Variants in PPP2R2C observed in about 807,000 individuals in gnomAD.
The protein encoded by PPP2R2C is protein phosphatase 2, regulatory subunit B, gamma.
A neutral mutation model predicts 45.3 loss-of-function variants in PPP2R2C; 10 were observed. The ratio of observed to expected loss-of-function variants is 0.22; its 90% CI spans 0.14 to 0.37. The LOEUF (loss-of-function observed/expected upper bound fraction) is 0.37. Ranked by LOEUF, PPP2R2C falls within the 10% of genes least tolerant of loss-of-function variation. The pLI is 1.00. For missense variants in PPP2R2C, 308 were observed against 619.7 expected (o/e 0.50, Z 5.34); for synonymous variants, 257 against 245.4 (o/e 1.05, Z -0.44).
intron 6 of PPP2R2C, among the ~76,000 whole-genome samples, chr4:6,342,722 C>T (rs532345615): frequency 7.0e-4 from 106 of 152,312 alleles, no homozygotes; most frequent in African/African-American, 2.3e-3. Context: ...GTTGTTTCCA[C>T]GGTTACCCTG....
chr4:6,324,654 C>G lies in PPP2R2C; in HGVS notation c.1053-1061G>C, dbSNP rs1246042004. 1.3e-5 allele frequency among the ~76,000 whole-genome samples: 2 copies of G among 152,224 alleles called. No individual in the cohort carries two copies. The highest frequency in any genetic ancestry group is 1.5e-5 in the Non-Finnish European group (1 of 68,044). ...GCATCGCCATGAGGGTCGGGGCGAG[C>G]AGTGCTGACGTGCAGGGGCTCGCTG... On this transcript the variant is annotated intron_variant, in intron 8 of 8. Coordinates refer to ENST00000382599, the MANE Select transcript of PPP2R2C (RefSeq NM_020416.4). This position sits in a 1 kb window ranked among gnomAD's most constrained non-coding sequence, Gnocchi z 4.1.
intron 1 of PPP2R2C, among the ~76,000 whole-genome samples, chr4:6,410,120 C>T (rs1238651516): frequency 1.3e-5 from 2 of 152,216 alleles, no homozygotes; most frequent in African/African-American, 4.8e-5. Flanking sequence ...GGATCCCACA[C>T]CTCAGGCCCA....
intron 1 of PPP2R2C, among the ~76,000 whole-genome samples, chr4:6,387,077 A>T (rs1024292515): frequency 6.6e-5 from 10 of 152,252 alleles, no homozygotes; most frequent in African/African-American, 1.4e-4. Context: ...AAATTTTTTT[A>T]AAAAGAAAAA....
Position 6,390,235 on chromosome 4 carries a change from G to GA in PPP2R2C, c.71-9142_71-9141insT, listed in dbSNP as rs1489764899. ...AACACAGCAGAGGGAGGCTGGGGGT[G>GA]CACACACTGTGCCTGGGGGATTGAG... On this transcript the variant is annotated intron_variant, in intron 1 of 8. Coordinates refer to ENST00000382599, the MANE Select transcript of PPP2R2C (RefSeq NM_020416.4). 2.0e-3 allele frequency among the ~76,000 whole-genome samples: 299 copies of GA among 152,102 alleles called. 3 individuals are homozygous for GA. The highest frequency in any genetic ancestry group is 6.8e-3 in the African/African-American group (281 of 41,464).
At chr4:6,521,985 G>A (rs771421695) in intron 2 of PPP2R2C, among the ~76,000 whole-genome samples, 13 of 152,144 alleles carry the variant, frequency 8.5e-5, no homozygotes, top group Admixed American at 1.3e-4. Context: ...GGGCCCCTAA[G>A]CCAATGGCTT....
chr4:6,388,108 G>C (rs56009758), intron 1 of PPP2R2C, among the ~76,000 whole-genome samples: 1 of 152,174 alleles, frequency 6.6e-6, no homozygotes. Flanking sequence ...TGTGGGTGAC[G>C]AGAAGCCCAT....
At chr4:6,348,234 G>C (rs1444072244) in intron 5 of PPP2R2C, among the ~76,000 whole-genome samples, 1 of 151,816 alleles carries the variant, frequency 6.6e-6, no homozygotes, top group Non-Finnish European at 1.5e-5. Flanking sequence ...TTCCCATGAA[G>C]CTGGACCCAC....
intron 1 of PPP2R2C, among the ~76,000 whole-genome samples, chr4:6,403,205 T>C (rs562492076): frequency 7.4e-4 from 112 of 152,202 alleles, no homozygotes; most frequent in African/African-American, 2.6e-3. Flanking sequence ...ATGCAAAATA[T>C]TAAGAAAAGG....
chr4:6,537,552 T>G (rs1724669073), intron 1 of PPP2R2C, among the ~76,000 whole-genome samples: 2 of 59,246 alleles, frequency 3.4e-5, no homozygotes, highest in South Asian at 6.5e-4. Flanking sequence ...AGATTTTTTG[T>G]TTTTTTTTTT....
intron 1 of PPP2R2C, 117 bp downstream of exon 1, chr4:6,472,043 G>T: frequency 8.0e-7 from 1 of 1,251,220 alleles, no homozygotes; most frequent in Non-Finnish European, 1.1e-6. Context: ...GGTGGGGTGG[G>T]GTGGGGCGGG....
chr4:6,518,929 A>T (rs1723919604), intron 2 of PPP2R2C, among the ~76,000 whole-genome samples: 1 of 41,586 alleles, frequency 2.4e-5, no homozygotes, highest in African/African-American at 4.6e-5. Flanking sequence ...TCTTAAAAAA[A>T]AAAAAAAAAA....
At chr4:6,408,846 T>C (rs1279239680) in intron 1 of PPP2R2C, among the ~76,000 whole-genome samples, 1 of 145,772 alleles carries the variant, frequency 6.9e-6, no homozygotes, top group African/African-American at 2.5e-5. Flanking sequence ...TGTCACTGTC[T>C]CAGAGGGCCT....
intron 1 of PPP2R2C, among the ~76,000 whole-genome samples, chr4:6,387,501 T>C (rs1489204162): frequency 6.6e-6 from 1 of 152,032 alleles, no homozygotes; most frequent in Non-Finnish European, 1.5e-5. Flanking sequence ...CTGAATTCAG[T>C]CGAAATATTC....
At chr4:6,429,327 T>A (rs770234493) in intron 1 of PPP2R2C, among the ~76,000 whole-genome samples, 2 of 152,228 alleles carry the variant, frequency 1.3e-5, no homozygotes, top group Non-Finnish European at 2.9e-5. Flanking sequence ...AAAGTAAATG[T>A]ACGGTTCTAA....
intron 2 of PPP2R2C, among the ~76,000 whole-genome samples, chr4:6,508,041 G>A (rs971388297): frequency 6.6e-6 from 1 of 152,166 alleles, no homozygotes; most frequent in Non-Finnish European, 1.5e-5. Context: ...CAGGAGGATC[G>A]CTGGAGCCCA....
At position 6,419,782 on chromosome 4, in the gene PPP2R2C, G is replaced by A. The variant is rs563739648; in HGVS notation, c.71-38688C>T. Among the ~76,000 whole-genome samples, 12 of 152,234 alleles carry A rather than the reference G, an allele frequency of 7.9e-5. No individual in the cohort carries two copies. The South Asian group carries it at 1.9e-3, about 24-fold the overall frequency. On this transcript the variant is annotated intron_variant, in intron 1 of 8. Coordinates refer to ENST00000382599, the MANE Select transcript of PPP2R2C (RefSeq NM_020416.4). Reference sequence around the variant, plus strand: ...CTCTGGAAGCTCTGAGGGAGGAGCCGCTCCCTGACTCCCTCCTGGCTTCTG... The same window carrying A: ...CTCTGGAAGCTCTGAGGGAGGAGCCACTCCCTGACTCCCTCCTGGCTTCTG...
At chr4:6,457,582 C>T (rs1337714060) in intron 1 of PPP2R2C, among the ~76,000 whole-genome samples, 1 of 152,102 alleles carries the variant, frequency 6.6e-6, no homozygotes, top group Non-Finnish European at 1.5e-5. Context: ...CTATATTGCC[C>T]AGGCTGGTCT....
At chr4:6,540,271 A>C (rs999880674) in intron 1 of PPP2R2C, among the ~76,000 whole-genome samples, 2 of 152,118 alleles carry the variant, frequency 1.3e-5, no homozygotes, top group Non-Finnish European at 2.9e-5. Context: ...TGTCTCTATG[A>C]ATTTTCTGAT....
intron 2 of PPP2R2C, chr4:6,535,247 C>A (rs753149962): frequency 3.3e-6 from 5 of 1,535,126 alleles, no homozygotes; most frequent in Non-Finnish European, 4.4e-6. Flanking sequence ...CGCTGCTGCC[C>A]GGCTGTGAGA....
Sources: allele counts gnomAD v4.1 joint callset (sites outside exome capture counted in the v4.1 genomes callset), GRCh38; gene constraint gnomAD v4.1.1; non-coding constraint Gnocchi (gnomAD v3.1); transcripts MANE v1.5; gene names NCBI Gene and HGNC (gene_info 2026-07-23, HGNC 2026-07-21).